PHLDA1: variants seen among roughly 807,000 people sequenced by gnomAD.
PHLDA1 encodes the protein pleckstrin homology-like domain family A member 1.
A neutral mutation model predicts 33.8 loss-of-function variants in PHLDA1; 28 were observed. The ratio of observed to expected loss-of-function variants is 0.83; its 90% CI spans 0.61 to 1.14. PHLDA1 has a LOEUF of 1.14. PHLDA1 is among the 50% of genes most tolerant of loss of function. The pLI is 0.00. For synonymous variants in PHLDA1, 271 were observed against 243.6 expected, an observed-to-expected ratio of 1.11 and a Z score of -1.05; for missense variants, 595 against 548.6, an observed-to-expected ratio of 1.08 and a Z score of -0.84.
At chr12:76,030,635 G>A in exon 1 of PHLDA1, 1 of 1,493,512 alleles carries the variant, frequency 6.7e-7, no homozygotes, top group Non-Finnish European at 9.3e-7. Context: ...GCGGGTGCGG[G>A]TGAGGGTGTG....
Position 76,031,615 on chromosome 12 carries a change from G to T in PHLDA1, c.127C>A (p.Arg43Ser). 1 of 1,570,416 alleles carries T rather than the reference G, an allele frequency of 6.4e-7. No homozygotes were observed. The highest frequency in any genetic ancestry group is 2.4e-5 in the East Asian group (1 of 41,126). The change falls in exon 1 of 2, where the codon CGC becomes AGC. Residue 43 changes from arginine to serine, a missense_variant. Around this residue, in one of 3 missense-constraint regions of PHLDA1, gnomAD observed 263 missense variants for 232.3 expected, o/e 1.13. Transcript: ENST00000266671. This position sits in a 1 kb window ranked among gnomAD's most constrained non-coding sequence, Gnocchi z 5.4. ...AAGGGCACTGGCCGGGCCCCCTCGC[G>T]GCGCTTTTGAATGGGCCATCTTCCC...
rs182331809 is a variant in PHLDA1, at chr12:76,031,031, C to A, written c.711G>T (p.Met237Ile). The A allele has an allele frequency of 3.9e-5, 63 of 1,612,598 alleles. No homozygotes were observed. In the Admixed American group the frequency reaches 9.0e-4, roughly 23 times the overall value. Residue 237 changes from methionine to isoleucine, a missense_variant, in exon 1 of 2, where the codon ATG becomes ATT. Coordinates refer to ENST00000266671, the Ensembl canonical transcript of PHLDA1. This position sits in a 1 kb window ranked among gnomAD's most constrained non-coding sequence, Gnocchi z 5.4. ...TGCGCTCCACACAGTCCACGGTCTTCATGTTGGAGAAGTGCAGTTCCTTGA... is the reference window on the plus strand; with the variant it reads ...TGCGCTCCACACAGTCCACGGTCTTAATGTTGGAGAAGTGCAGTTCCTTGA...
chr12:76,030,917 C>A, exon 1 of PHLDA1: 1 of 1,613,982 alleles, frequency 6.2e-7, no homozygotes, highest in Non-Finnish European at 8.5e-7. Flanking sequence ...GCAGCGTGAT[C>A]TCGGCGTTCC....
exon 2 of PHLDA1, chr12:76,027,893 C>G (rs143729204): frequency 1.4e-3 from 215 of 151,744 alleles, no homozygotes; most frequent in African/African-American, 5.0e-3. Flanking sequence ...ATGAAATTAC[C>G]TAGCCCCATA....
chr12:76,025,829 T>G (rs982442814), exon 2 of PHLDA1: 1 of 152,244 alleles, frequency 6.6e-6, no homozygotes, highest in Non-Finnish European at 1.5e-5. Flanking sequence ...TTTGTGCAGA[T>G]GCTTCTAACC....
At chr12:76,027,176 ATATCT>A (rs1222653042) in exon 2 of PHLDA1, 1 of 152,172 alleles carries the variant, frequency 6.6e-6, no homozygotes, top group East Asian at 1.9e-4. Context: ...AGGCTTCAAA[ATATCT>A]TAGGTGGTTT....
exon 2 of PHLDA1, chr12:76,026,505 GAA>G (rs902287865): frequency 2.0e-5 from 3 of 151,984 alleles, no homozygotes; most frequent in Non-Finnish European, 4.4e-5. Flanking sequence ...GTATATGAGA[GAA>G]AAAAAGTTAA....
chr12:76,029,363 A>T (rs1364322727), exon 2 of PHLDA1: 2 of 152,236 alleles, frequency 1.3e-5, no homozygotes, highest in African/African-American at 4.8e-5. Flanking sequence ...GCCCTACCAC[A>T]TATTCAAGAT....
At chr12:76,030,908 C>T (rs755131136) in exon 1 of PHLDA1, 1 of 1,613,870 alleles carries the variant, frequency 6.2e-7, no homozygotes, top group South Asian at 1.1e-5. Flanking sequence ...GCACCATCTG[C>T]AGCGTGATCT....
At chr12:76,029,780 G>A (rs1242378501) in exon 2 of PHLDA1, 2 of 65,584 alleles carry the variant, frequency 3.0e-5, no homozygotes, top group African/African-American at 7.8e-5. Flanking sequence ...CTTAGAACAA[G>A]CATTTAAAAA....
exon 2 of PHLDA1, chr12:76,028,184 A>C (rs1395731607): frequency 6.6e-6 from 1 of 152,068 alleles, no homozygotes; most frequent in East Asian, 1.9e-4. Context: ...ACATATATAC[A>C]TACATACACA....
chr12:76,030,402 G>C lies in PHLDA1; in HGVS notation c.*26+108C>G, dbSNP rs111485936. On this transcript the variant is annotated intron_variant, in intron 1 of 1. Coordinates refer to ENST00000266671, the Ensembl canonical transcript of PHLDA1. ...CCATTGCCCCAGAAACTTGGTATGA[G>C]TTTTGATTTCTCCATACAGGAGCCG... 516 of 827,444 alleles carry C rather than the reference G, an allele frequency of 6.2e-4. 4 individuals carry two copies. Among genetic ancestry groups the C allele is most frequent in the African/African-American group, 6.0e-3 (351 of 58,882 alleles). 51.3% of individuals were successfully genotyped at this position (827,444 alleles called of 1,614,324 possible).
chr12:76,030,151 G>A, intron 1 of PHLDA1, 59 bp from the exon 2 acceptor site: 1 of 291,632 alleles, frequency 3.4e-6, no homozygotes, highest in South Asian at 7.2e-5. Context: ...GACCAGTTCT[G>A]TTCGGGCCAG....
exon 2 of PHLDA1, chr12:76,029,942 A>G (rs1354835816): frequency 6.5e-6 from 1 of 153,222 alleles, no homozygotes; most frequent in African/African-American, 2.4e-5. Context: ...TCGTGATGAA[A>G]AGTATGCAGA....
chr12:76,028,467 A>G (rs924564515), exon 2 of PHLDA1: 2 of 152,200 alleles, frequency 1.3e-5, no homozygotes, highest in Non-Finnish European at 2.9e-5. Context: ...TTGCACTAAA[A>G]AGTAATTTGA....
rs755552282 is a variant in PHLDA1, at chr12:76,031,334, G to C, written c.408C>G (p.Pro136=). 6.2e-7 allele frequency: 1 copy of C among 1,612,716 alleles called. No homozygotes were observed. Among genetic ancestry groups the C allele is most frequent in the Non-Finnish European group, 8.5e-7 (1 of 1,179,676 alleles). Residue 136 remains proline, a synonymous_variant, in exon 1 of 2, where the codon CCC becomes CCG. Transcript: ENST00000266671. The surrounding 1 kb of genome is among the most constrained non-coding windows in gnomAD (Gnocchi z 5.4). ...TCTCCAGCATCCTCCCAGCATAAGA[G>C]GGGCCGCCGCTTGGCTCGGCCTCTC...
intron 1 of PHLDA1, 151 bp downstream of exon 1, chr12:76,030,359 A>C: frequency 3.1e-6 from 2 of 645,256 alleles, no homozygotes; most frequent in Non-Finnish European, 5.3e-6. Flanking sequence ...TCCTGGCCCC[A>C]GCTTGTTTCT....
chr12:76,026,008 A>G (rs1870767706), exon 2 of PHLDA1: 1 of 152,216 alleles, frequency 6.6e-6, no homozygotes, highest in East Asian at 1.9e-4. Context: ...TCAATAAGCC[A>G]CCCTTGAAAA....
chr12:76,028,659 A>G (rs1413153845), exon 2 of PHLDA1: 1 of 152,682 alleles, frequency 6.5e-6, no homozygotes, highest in African/African-American at 2.4e-5. Context: ...ACCAGTTAGT[A>G]AAGCCATGCA....
Sources: gnomAD v4.1 joint callset for allele counts on GRCh38, gnomAD v4.1.1 for gene constraint, gnomAD v4.1.1 regional missense constraint, Gnocchi (gnomAD v3.1) non-coding constraint, MANE v1.5 for transcripts, NCBI Gene and HGNC (gene_info 2026-07-23, HGNC 2026-07-21) for gene names.